Variants in DAGLA observed in about 807,000 individuals in gnomAD.
The protein encoded by DAGLA is diacylglycerol lipase alpha.
DAGLA carries 22 observed loss-of-function variants against 102.6 expected under a neutral mutation model. That is an observed-to-expected ratio of 0.21 (90% CI 0.15 to 0.31). The LOEUF is 0.31. DAGLA is among the 10% of genes least tolerant of loss of function. The pLI, the probability that DAGLA is intolerant of heterozygous loss-of-function variation, is 1.00. For synonymous variants in DAGLA, 578 were observed against 628.9 expected, an observed-to-expected ratio of 0.92 and a Z score of 1.21; for missense variants, 927 against 1,446.6, an observed-to-expected ratio of 0.64 and a Z score of 5.83.
intron 1 of DAGLA, among the ~76,000 whole-genome samples, chr11:61,687,578 C>T (rs1200995257): frequency 6.6e-6 from 1 of 152,198 alleles, no homozygotes; most frequent in Non-Finnish European, 1.5e-5. Context: ...ATCCACCCGC[C>T]TCGCTCGGCC....
intron 1 of DAGLA, among the ~76,000 whole-genome samples, chr11:61,707,492 C>A (rs2135567012): frequency 6.6e-6 from 1 of 152,354 alleles, no homozygotes; most frequent in Non-Finnish European, 1.5e-5. Flanking sequence ...GGCCTATTCC[C>A]CCACAGGCTG....
Position 61,712,797 on chromosome 11 carries a change from G to T in DAGLA, c.-44-7315G>T, listed in dbSNP as rs548599776. ...AGGGGAAGGTACTGTAGCCCCGGGA[G>T]CCTGGGGTGGGACCTGTGGGTCCTA... is the stretch of plus-strand genomic sequence containing the variant. On this transcript the variant is annotated intron_variant, in intron 1 of 19. Coordinates refer to ENST00000257215, the MANE Select transcript of DAGLA (RefSeq NM_006133.3). Among the ~76,000 whole-genome samples, 312 of 152,332 alleles carry T rather than the reference G, an allele frequency of 2.0e-3. 6 individuals are homozygous for T. In the South Asian group the frequency reaches 0.03, roughly 15 times the overall value.
At chr11:61,699,956 G>C (rs1248673660) in intron 1 of DAGLA, among the ~76,000 whole-genome samples, 2 of 152,224 alleles carry the variant, frequency 1.3e-5, no homozygotes, top group African/African-American at 4.8e-5. Context: ...GCAGGTGGCC[G>C]GCTGCCTCTG....
chr11:61,713,592 A>G (rs191115350), intron 1 of DAGLA, among the ~76,000 whole-genome samples: 4 of 152,368 alleles, frequency 2.6e-5, no homozygotes, highest in Admixed American at 2.6e-4. Context: ...CTGCAGCCAC[A>G]GTGAACAGCT....
chr11:61,744,432 C>T lies in DAGLA; in HGVS notation c.3072C>T (p.Pro1024=). ...LAADKIRTST[P]TGHGASPAKQ... ...CTGACAAGATCCGGACTTCTACCCC[C>T]ACTGGCCACGGAGCCAGCCCCGCCA... Residue 1024 remains proline, a synonymous_variant, in exon 20 of 20, where the codon CCC becomes CCT. Coordinates refer to ENST00000257215, the MANE Select transcript of DAGLA (RefSeq NM_006133.3). 1.2e-6 allele frequency: 2 copies of T among 1,603,390 alleles called. No individual in the cohort carries two copies. Among genetic ancestry groups the T allele is most frequent in the Non-Finnish European group, 8.5e-7 (1 of 1,173,566 alleles).
At position 61,720,717 on chromosome 11, in the gene DAGLA, A is replaced by G. The variant is rs2065274336; in HGVS notation, c.134A>G (p.Tyr45Cys). 6.2e-7 allele frequency: 1 copy of G among 1,613,972 alleles called. No individual in the cohort carries two copies. The highest frequency in any genetic ancestry group is 8.5e-7 in the Non-Finnish European group (1 of 1,180,034). The change falls in exon 3 of 20, where the codon TAT becomes TGT. Residue 45 changes from tyrosine to cysteine, a missense_variant. Tyr to Cys is a radical substitution (Grantham distance 194, BLOSUM62 -2). This residue lies in a region of DAGLA where 231 missense variants were observed against 439.8 expected (regional missense o/e 0.53). Coordinates refer to ENST00000257215, the MANE Select transcript of DAGLA (RefSeq NM_006133.3). ...TCCGTGGTGCTCTTCGGCCTGGTCT[A>G]TAACCCGCACGAGGCCTGCTCCCTG... ...ILSVVLFGLVYNPHEACSLNL... is the reference protein window; with the variant it reads ...ILSVVLFGLVCNPHEACSLNL...
chr11:61,710,312 G>A (rs770448111), intron 1 of DAGLA, among the ~76,000 whole-genome samples: 1 of 151,750 alleles, frequency 6.6e-6, no homozygotes, highest in Non-Finnish European at 1.5e-5. Context: ...GCAGAGGGTG[G>A]GGCCAGTGGA....
chr11:61,736,347 C>T lies in DAGLA; in HGVS notation c.1368C>T (p.Asp456=), dbSNP rs1373250544. The T allele has an allele frequency of 4.3e-6, 7 of 1,613,792 alleles. No homozygotes were observed. The part of the protein sequence containing the change: ...EMVLSQAFGR[D]LGRGTKHYGL... ...TCCTGTCCCAGGCCTTTGGGCGAGA[C>T]CTGGTGAGGAATTTTCCATGGCACC... is the stretch of plus-strand genomic sequence containing the variant. Residue 456 remains aspartate, a synonymous_variant, in exon 13 of 20, where the codon GAC becomes GAT. Coordinates refer to ENST00000257215, the MANE Select transcript of DAGLA (RefSeq NM_006133.3).
chr11:61,681,647 C>T (rs2064943212), intron 1 of DAGLA, among the ~76,000 whole-genome samples: 1 of 152,026 alleles, frequency 6.6e-6, no homozygotes, highest in Non-Finnish European at 1.5e-5. Context: ...AGGATTGGAT[C>T]GATTGGGGTA....
intron 1 of DAGLA, among the ~76,000 whole-genome samples, chr11:61,706,809 C>A (rs1359289406): frequency 1.3e-5 from 2 of 152,338 alleles, no homozygotes; most frequent in East Asian, 1.9e-4. Flanking sequence ...GATTGCCTCC[C>A]CAAACCCTGG....
intron 8 of DAGLA, 96 bp downstream of exon 8, chr11:61,729,104 C>A: frequency 9.2e-7 from 1 of 1,091,028 alleles, no homozygotes; most frequent in Non-Finnish European, 1.4e-6. Context: ...CCTTGCAGTG[C>A]CAGCCACATT....
intron 1 of DAGLA, among the ~76,000 whole-genome samples, chr11:61,692,081 C>T (rs2065028830): frequency 2.0e-5 from 3 of 152,174 alleles, no homozygotes; most frequent in Admixed American, 2.0e-4. Context: ...CACACCTCAC[C>T]TTGAGTCTGG....
intron 8 of DAGLA, among the ~76,000 whole-genome samples, 199 bp from the exon 9 acceptor site, chr11:61,731,118 G>A: frequency 6.6e-6 from 1 of 152,200 alleles, no homozygotes; most frequent in African/African-American, 2.4e-5. Flanking sequence ...TGGTTGCATG[G>A]AGATAATTAG....
chr11:61,743,432 T>C, intron 19 of DAGLA, 100 bp from the exon 20 acceptor site: 3 of 844,442 alleles, frequency 3.6e-6, no homozygotes, highest in Non-Finnish European at 5.4e-6. Context: ...AAATGAACTG[T>C]ACCCTTTATT....
intron 1 of DAGLA, among the ~76,000 whole-genome samples, chr11:61,713,742 G>A (rs2135573604): frequency 6.6e-6 from 1 of 152,308 alleles, no homozygotes; most frequent in East Asian, 1.9e-4. Flanking sequence ...CTGGGGGGCG[G>A]GCCACCAGTG....
At chr11:61,710,849 C>T (rs940761818) in intron 1 of DAGLA, among the ~76,000 whole-genome samples, 5 of 152,166 alleles carry the variant, frequency 3.3e-5, no homozygotes, top group African/African-American at 1.2e-4. Context: ...ACTTTATGTG[C>T]GTTATTTCGT....
At chr11:61,685,051 C>T (rs940075688) in intron 1 of DAGLA, among the ~76,000 whole-genome samples, 4 of 152,110 alleles carry the variant, frequency 2.6e-5, no homozygotes, top group African/African-American at 4.8e-5. Context: ...TGCTTCCATG[C>T]TCCTCCTTGA....
At chr11:61,731,087 G>C (rs368168415) in intron 8 of DAGLA, among the ~76,000 whole-genome samples, 29 of 152,348 alleles carry the variant, frequency 1.9e-4, no homozygotes, top group African/African-American at 6.7e-4. Flanking sequence ...CAACAGGACA[G>C]GTCTCTGAGG....
intron 6 of DAGLA, among the ~76,000 whole-genome samples, chr11:61,726,819 G>A (rs1439802118): frequency 6.6e-6 from 1 of 152,238 alleles, no homozygotes. Flanking sequence ...GGGAAGCCTC[G>A]AGTGGCTCCT....
Sources: gnomAD v4.1 joint callset for allele counts (sites outside exome capture counted in the v4.1 genomes callset) on GRCh38, gnomAD v4.1.1 for gene constraint, gnomAD v4.1.1 regional missense constraint, MANE v1.5 for transcripts, NCBI Gene and HGNC (gene_info 2026-07-23, HGNC 2026-07-21) for gene names.